Variants in RBM20 observed in about 807,000 individuals in gnomAD.
RBM20 encodes RNA binding motif protein 20.
RBM20 carries 51 observed loss-of-function variants against 110.1 expected under a neutral mutation model. The ratio of observed to expected loss-of-function variants is 0.46; its 90% CI spans 0.37 to 0.59. The LOEUF (loss-of-function observed/expected upper bound fraction) is 0.59, where lower values mean the gene tolerates loss of function less well. Among genes scored for constraint, RBM20 ranks in the 20% least tolerant of loss-of-function variants. The pLI is 0.00. For missense variants in RBM20, 1,512 were observed against 1,574.9 expected (o/e 0.96, Z 0.68); for synonymous variants, 589 against 618.2 (o/e 0.95, Z 0.70).
chr10:110,657,021 CTTT>C (rs58478679), intron 1 of RBM20, among the ~76,000 whole-genome samples: 1 of 142,980 alleles, frequency 7.0e-6, no homozygotes, highest in Admixed American at 7.0e-5. Flanking sequence ...TATGGTAATT[CTTT>C]TTTTTTTTTT....
chr10:110,714,624 G>A (rs1371319240), intron 1 of RBM20, among the ~76,000 whole-genome samples: 1 of 152,252 alleles, frequency 6.6e-6, no homozygotes, highest in Admixed American at 6.5e-5. Flanking sequence ...AAGAGAGCAG[G>A]AACAGCCTCT....
Position 110,807,894 on chromosome 10 carries a change from G to A in RBM20, c.1801-2489G>A, listed in dbSNP as rs560987227. 5.9e-5 allele frequency among the ~76,000 whole-genome samples: 9 copies of A among 152,338 alleles called. No homozygotes were observed. The South Asian group carries it at 1.9e-3, about 32-fold the overall frequency. ...CTTTAGCCTTTGTCTATTCTAGCTT[G>A]GCAGTGCAAGCCACAGATTTGGGAG... is the stretch of plus-strand genomic sequence containing the variant. On this transcript the variant is annotated intron_variant, in intron 7 of 13. Transcript: ENST00000369519.
chr10:110,832,319 C>T (rs555372650), intron 13 of RBM20, among the ~76,000 whole-genome samples: 108 of 152,240 alleles, frequency 7.1e-4, no homozygotes, highest in African/African-American at 2.6e-3. Flanking sequence ...TGGCTGTGCC[C>T]AAGTCCCAGG....
intron 9 of RBM20, among the ~76,000 whole-genome samples, chr10:110,815,945 G>C (rs941611700): frequency 6.6e-6 from 1 of 152,132 alleles, no homozygotes; most frequent in African/African-American, 2.4e-5. Context: ...GTGTGTGTTG[G>C]AATGACTGCA....
chr10:110,760,986 C>T (rs1190095623), intron 1 of RBM20, among the ~76,000 whole-genome samples: 2 of 149,688 alleles, frequency 1.3e-5, no homozygotes, highest in African/African-American at 2.5e-5. Flanking sequence ...ATCTCAGCTA[C>T]TCAGGAGGCT....
At chr10:110,783,746 T>TTA (rs1844384158) in intron 3 of RBM20, among the ~76,000 whole-genome samples, 1 of 152,374 alleles carries the variant, frequency 6.6e-6, no homozygotes, top group African/African-American at 2.4e-5. Context: ...CACATAGGGC[T>TTA]TACTATTTTA....
At chr10:110,809,659 A>G (rs959250540) in intron 7 of RBM20, among the ~76,000 whole-genome samples, 2 of 152,146 alleles carry the variant, frequency 1.3e-5, no homozygotes, top group African/African-American at 4.8e-5. Context: ...CTCAGCTGTG[A>G]AGCCCGACTC....
chr10:110,820,294 A>G (rs923273343), intron 10 of RBM20, 118 bp downstream of exon 10: 4 of 657,334 alleles, frequency 6.1e-6, no homozygotes, highest in South Asian at 3.9e-5. Context: ...CATTAGTTCC[A>G]TGAATGAACC....
At chr10:110,766,913 C>T (rs1392906869) in intron 1 of RBM20, among the ~76,000 whole-genome samples, 3 of 147,436 alleles carry the variant, frequency 2.0e-5, no homozygotes, top group Non-Finnish European at 4.6e-5. Context: ...CGGGCAGAGG[C>T]GCCCCTCACC....
intron 1 of RBM20, among the ~76,000 whole-genome samples, chr10:110,662,374 C>T (rs1862116625): frequency 6.6e-6 from 1 of 152,186 alleles, no homozygotes; most frequent in African/African-American, 2.4e-5. Context: ...TGTAAAGTGC[C>T]AAACTGGGTC....
intron 1 of RBM20, among the ~76,000 whole-genome samples, chr10:110,742,266 T>A (rs1200575565): frequency 6.6e-6 from 1 of 152,214 alleles, no homozygotes; most frequent in Non-Finnish European, 1.5e-5. Flanking sequence ...CTCTCCCAAG[T>A]CAGGGGCTGG....
intron 1 of RBM20, among the ~76,000 whole-genome samples, chr10:110,674,658 A>G (rs115421572): frequency 2.0e-3 from 304 of 152,368 alleles, no homozygotes; most frequent in African/African-American, 6.8e-3. Flanking sequence ...ACAAGCTGGT[A>G]ATAAGTGCAG....
At chr10:110,684,049 A>G (rs1862461796) in intron 1 of RBM20, among the ~76,000 whole-genome samples, 2 of 152,238 alleles carry the variant, frequency 1.3e-5, no homozygotes, top group Admixed American at 1.3e-4. Context: ...CTCTTAAAGA[A>G]AGTCATGGAA....
At chr10:110,764,354 C>G (rs1455265002) in intron 1 of RBM20, among the ~76,000 whole-genome samples, 1 of 152,194 alleles carries the variant, frequency 6.6e-6, no homozygotes, top group African/African-American at 2.4e-5. Context: ...CCAGGCGAGG[C>G]TTTGGAATTT....
chr10:110,813,343 G>A (rs763864100), intron 9 of RBM20, among the ~76,000 whole-genome samples: 5 of 152,210 alleles, frequency 3.3e-5, no homozygotes, highest in Non-Finnish European at 5.9e-5. Context: ...CGTCCAGTAG[G>A]GAGTGGCCTG....
intron 12 of RBM20, among the ~76,000 whole-genome samples, chr10:110,827,370 T>C (rs1219364494): frequency 6.7e-6 from 1 of 150,168 alleles, no homozygotes; most frequent in Non-Finnish European, 1.5e-5. Context: ...GGCAGCAGAG[T>C]GAGTGAGACC....
At chr10:110,714,005 T>G (rs922811227) in intron 1 of RBM20, among the ~76,000 whole-genome samples, 1 of 152,182 alleles carries the variant, frequency 6.6e-6, no homozygotes, top group Non-Finnish European at 1.5e-5. Context: ...GGAATGTTAT[T>G]AGAATGAAGC....
At chr10:110,760,998 G>A (rs1971597) in intron 1 of RBM20, 59,556 of 149,436 alleles carry the variant, frequency 0.4, 11,989 homozygotes, top group East Asian at 0.46. Flanking sequence ...CAGGAGGCTG[G>A]GCCAGGAGAA....
chr10:110,829,668 CCTAGGCA>C, intron 12 of RBM20, among the ~76,000 whole-genome samples: 1 of 152,294 alleles, frequency 6.6e-6, no homozygotes, highest in East Asian at 1.9e-4. Flanking sequence ...GACAGGGTCT[CCTAGGCA>C]CTTAGCTCAG....
Sources: gnomAD v4.1 joint callset for allele counts (sites outside exome capture counted in the v4.1 genomes callset) on GRCh38, gnomAD v4.1.1 for gene constraint, MANE v1.5 for transcripts, NCBI Gene and HGNC (gene_info 2026-07-23, HGNC 2026-07-21) for gene names.